Variants in TYW3 observed in about 807,000 individuals in gnomAD.
The protein encoded by TYW3 is tRNA wybutosine-synthesizing protein 3 homolog.
In TYW3, 26 loss-of-function variants were observed where a neutral mutation model predicts 23.1. That is an observed-to-expected ratio of 1.13 (90% CI 0.83 to 1.56). The LOEUF (loss-of-function observed/expected upper bound fraction) is 1.56, where lower values mean the gene tolerates loss of function less well. TYW3 is among the 40% of genes most tolerant of loss of function. TYW3 has a pLI of 0.00. For missense variants in TYW3, 316 were observed against 311.9 expected (o/e 1.01, Z -0.10); for synonymous variants, 102 against 105.7 (o/e 0.97, Z 0.21).
intron 4 of TYW3, among the ~76,000 whole-genome samples, chr1:74,749,877 A>C (rs938968461): frequency 6.6e-6 from 1 of 152,024 alleles, no homozygotes; most frequent in African/African-American, 2.4e-5. Context: ...AATCACTTGA[A>C]CCCAGGAGGT....
intron 2 of TYW3, 111 bp from the exon 3 acceptor site, chr1:74,738,579 T>A: frequency 1.7e-6 from 1 of 602,162 alleles, no homozygotes; most frequent in Non-Finnish European, 2.6e-6. Context: ...AGAAAAAATA[T>A]GCTGAGTGAT....
chr1:74,738,801 T>A lies in TYW3; in HGVS notation c.354+13T>A. On this transcript the variant is annotated intron_variant, in intron 3 of 5. Transcript: ENST00000370867. ...TGCACAGATTCTGGTAAAATTTTGT[T>A]GTAATTGTACTTGAATTTATAGATA... 1 of 1,599,502 alleles carries A rather than the reference T, an allele frequency of 6.3e-7. No homozygotes were observed. Among genetic ancestry groups the A allele is most frequent in the Non-Finnish European group, 8.6e-7 (1 of 1,168,682 alleles).
rs1338159520 is a variant in TYW3, at chr1:74,766,198, T to C, written c.*2085T>C. 2 of 152,116 alleles carry C rather than the reference T, an allele frequency of 1.3e-5. No individual in the cohort carries two copies. Among genetic ancestry groups the C allele is most frequent in the Non-Finnish European group, 2.9e-5 (2 of 68,018 alleles). The allele number at this position is 152,116 out of a possible 1,614,324, so 9.4% of individuals were successfully genotyped here. A position where few individuals can be genotyped will look rare whatever the true frequency, so the allele number is the denominator to read the frequency against. On this transcript the variant is annotated 3_prime_UTR_variant, in exon 6 of 6. Transcript: ENST00000370867. ...TTATGTACAGTGCATACATAATACT[T>C]GATAATATGTTACTGGTTTGTGTCT...
At position 74,737,391 on chromosome 1, in the gene TYW3, T is replaced by C. The variant is rs563392830; in HGVS notation, c.255+769T>C. On this transcript the variant is annotated intron_variant, in intron 2 of 5. Transcript: ENST00000370867. ...CCTTTTCCTGCAATTCATGTGTCCA[T>C]CTTAGAGAAGGACTTGGAATTGTCC... Among the ~76,000 whole-genome samples, 8 of 152,346 alleles carry C rather than the reference T, an allele frequency of 5.3e-5. No individual in the cohort carries two copies. The East Asian group carries it at 1.4e-3, about 26-fold the overall frequency.
At chr1:74,759,222 G>A (rs1472963795) in intron 5 of TYW3, among the ~76,000 whole-genome samples, 1 of 151,950 alleles carries the variant, frequency 6.6e-6, no homozygotes, top group African/African-American at 2.4e-5. Context: ...TGAGTAACAA[G>A]ATGAATGAGA....
intron 3 of TYW3, among the ~76,000 whole-genome samples, chr1:74,741,114 G>GTTAGTTGA: frequency 6.6e-6 from 1 of 152,272 alleles, no homozygotes; most frequent in East Asian, 1.9e-4. Flanking sequence ...GAGCTCGTTT[G>GTTAGTTGA]GCTACAGTAT....
At chr1:74,751,940 C>G (rs1355036560) in intron 4 of TYW3, among the ~76,000 whole-genome samples, 1 of 152,116 alleles carries the variant, frequency 6.6e-6, no homozygotes, top group Non-Finnish European at 1.5e-5. Flanking sequence ...TTTATTTTCC[C>G]TTGAGATTTC....
At chr1:74,742,316 T>C (rs1648390834) in intron 3 of TYW3, among the ~76,000 whole-genome samples, 2 of 152,230 alleles carry the variant, frequency 1.3e-5, no homozygotes, top group Admixed American at 1.3e-4. Context: ...TTTGGCCATT[T>C]GATGCGTGTT....
intron 3 of TYW3, among the ~76,000 whole-genome samples, chr1:74,747,454 A>G (rs1010031951): frequency 2.6e-4 from 39 of 151,646 alleles, no homozygotes; most frequent in African/African-American, 8.5e-4. Context: ...CGGCTAAAAC[A>G]GTGAAACCCC....
intron 3 of TYW3, among the ~76,000 whole-genome samples, chr1:74,746,624 T>C (rs1439973994): frequency 6.6e-6 from 1 of 152,192 alleles, no homozygotes; most frequent in East Asian, 1.9e-4. Flanking sequence ...CTTATATTTG[T>C]ATTCTAGGGG....
chr1:74,747,657 GAAAAA>G (rs1183804268), intron 3 of TYW3, among the ~76,000 whole-genome samples: 2 of 148,440 alleles, frequency 1.3e-5, no homozygotes, highest in Non-Finnish European at 3.0e-5. Flanking sequence ...AAAAGAAAAA[GAAAAA>G]AAGAAAAGAA....
At chr1:74,763,070 C>T (rs1649180840) in intron 5 of TYW3, among the ~76,000 whole-genome samples, 1 of 152,124 alleles carries the variant, frequency 6.6e-6, no homozygotes, top group African/African-American at 2.4e-5. Flanking sequence ...ATCATTTTCA[C>T]CCATCCAGGT....
intron 4 of TYW3, among the ~76,000 whole-genome samples, chr1:74,750,462 G>C (rs1056334322): frequency 6.6e-6 from 1 of 152,092 alleles, no homozygotes; most frequent in African/African-American, 2.4e-5. Context: ...TACTTGGGAG[G>C]CTGAGGCAGG....
At chr1:74,741,304 T>A (rs1648353990) in intron 3 of TYW3, among the ~76,000 whole-genome samples, 2 of 152,198 alleles carry the variant, frequency 1.3e-5, no homozygotes, top group South Asian at 4.1e-4. Flanking sequence ...TAGTCTGGGA[T>A]GTTTCCTTCC....
chr1:74,761,246 G>A (rs966105582), intron 5 of TYW3, among the ~76,000 whole-genome samples: 1 of 152,108 alleles, frequency 6.6e-6, no homozygotes, highest in African/African-American at 2.4e-5. Context: ...AGGAAAACTA[G>A]TATTTGAAGT....
intron 3 of TYW3, 47 bp downstream of exon 3, chr1:74,738,835 G>A: frequency 6.9e-7 from 1 of 1,458,338 alleles, no homozygotes; most frequent in African/African-American, 1.4e-5. Context: ...TATGTGGGTA[G>A]ATGTAATTTT....
At position 74,752,353 on chromosome 1, in the gene TYW3, CAG is replaced by C. The variant is rs1557748371; in HGVS notation, c.491_492del (p.Glu164GlyfsTer4). 6.2e-7 allele frequency: 1 copy of C among 1,613,074 alleles called. No individual in the cohort carries two copies. The highest frequency in any genetic ancestry group is 1.1e-5 in the South Asian group (1 of 90,916). ...AGCCATAAGGGAAAACTGATGGTGA[CAG>C]AGGAATATATTGACTTCCTGTTAAA... On this transcript the variant is annotated frameshift_variant, in exon 5 of 6. Coordinates refer to ENST00000370867, the MANE Select transcript of TYW3 (RefSeq NM_138467.3). LOFTEE classifies it high-confidence loss of function.
Position 74,763,975 on chromosome 1 carries a change from A to T in TYW3, c.642A>T (p.Ser214=). 1.2e-6 allele frequency: 2 copies of T among 1,610,994 alleles called. No homozygotes were observed. Among genetic ancestry groups the T allele is most frequent in the Non-Finnish European group, 1.7e-6 (2 of 1,179,110 alleles). ...CCAAGATCAAAGAGAAAAATAACTC[A>T]TCATATATTCATAAGAAAAAAAGAA... The part of the protein sequence containing the change: ...LHPKIKEKNN[S]SYIHKKKRNP... Residue 214 remains serine, a synonymous_variant, in exon 6 of 6, where the codon TCA becomes TCT. Transcript: ENST00000370867.
intron 4 of TYW3, among the ~76,000 whole-genome samples, chr1:74,749,749 G>A (rs916176290): frequency 6.6e-6 from 1 of 151,774 alleles, no homozygotes; most frequent in African/African-American, 2.4e-5. Flanking sequence ...GGCGAATCAC[G>A]AGGTCAAGAG....
Sources: gnomAD v4.1 joint callset for allele counts (sites outside exome capture counted in the v4.1 genomes callset) on GRCh38, gnomAD v4.1.1 for gene constraint, MANE v1.5 for transcripts, NCBI Gene and HGNC (gene_info 2026-07-23, HGNC 2026-07-21) for gene names.